The following TRABD2B variants were observed in gnomAD, a reference collection of about 807,000 sequenced individuals.
TRABD2B encodes the protein metalloprotease TIKI2.
In TRABD2B, 14 loss-of-function variants were observed where a neutral mutation model predicts 40.1. That is an observed-to-expected ratio of 0.35 (90% CI 0.23 to 0.55). TRABD2B has a LOEUF of 0.55. Among genes scored for constraint, TRABD2B ranks in the 20% least tolerant of loss-of-function variants. The pLI, the probability that TRABD2B is intolerant of heterozygous loss-of-function variation, is 0.90. For synonymous variants in TRABD2B, 263 were observed against 277.0 expected (o/e 0.95, Z 0.50); for missense variants, 541 against 648.6 (o/e 0.83, Z 1.80).
chr1:47,973,255 G>A (rs1477171853), intron 2 of TRABD2B, among the ~76,000 whole-genome samples: 3 of 152,214 alleles, frequency 2.0e-5, no homozygotes, highest in Non-Finnish European at 4.4e-5. Flanking sequence ...AGCCCCCGCA[G>A]CCAGGTCTCT....
chr1:47,785,720 T>C (rs936697345), intron 4 of TRABD2B, among the ~76,000 whole-genome samples: 6 of 152,196 alleles, frequency 3.9e-5, no homozygotes, highest in African/African-American at 7.2e-5. Flanking sequence ...GAGCCTGTGA[T>C]GGGTTCTGTG....
intron 2 of TRABD2B, among the ~76,000 whole-genome samples, chr1:47,987,818 C>T (rs114065966): frequency 0.011 from 1,699 of 152,128 alleles, 25 homozygotes; most frequent in African/African-American, 0.039. Flanking sequence ...GGAGACACAG[C>T]GGGTGTGGCA....
At chr1:47,883,765 A>G (rs1375324006) in intron 2 of TRABD2B, among the ~76,000 whole-genome samples, 1 of 152,254 alleles carries the variant, frequency 6.6e-6, no homozygotes, top group Non-Finnish European at 1.5e-5. Flanking sequence ...TTCAGTCTCC[A>G]TGATGTCTCA....
Position 47,813,440 on chromosome 1 carries a change from C to A in TRABD2B, c.667-11821G>T, listed in dbSNP as rs568030502. 6.6e-5 allele frequency among the ~76,000 whole-genome samples: 10 copies of A among 152,276 alleles called. No individual in the cohort carries two copies. In the East Asian group the frequency reaches 1.5e-3, roughly 24 times the overall value. On this transcript the variant is annotated intron_variant, in intron 2 of 6. Coordinates refer to ENST00000606738, the MANE Select transcript of TRABD2B (RefSeq NM_001194986.2). This position sits in a 1 kb window ranked among gnomAD's most constrained non-coding sequence, Gnocchi z 4.3. ...CATGCCTCTCTGTTTGTCTGCTAAG[C>A]CACCGGTTACCAAGCCTTCAGAGAC...
Position 47,990,770 on chromosome 1 carries a change from T to A in TRABD2B, c.666+3264A>T, listed in dbSNP as rs1456944998. Among the ~76,000 whole-genome samples, 22 of 35,046 alleles carry A rather than the reference T, an allele frequency of 6.3e-4. No homozygotes were observed. The East Asian group carries it at 0.011, about 17-fold the overall frequency. 23.0% of individuals were successfully genotyped at this position (35,046 alleles called of 152,430 possible). A position where few individuals can be genotyped will look rare whatever the true frequency, so the allele number is the denominator to read the frequency against. Reference sequence around the variant, plus strand: ...AAGTTGTTGGTTTTAAAACGTTGGTTTTATATATATATATATATATATATA... The same window carrying A: ...AAGTTGTTGGTTTTAAAACGTTGGTATTATATATATATATATATATATATA... On this transcript the variant is annotated intron_variant, in intron 2 of 6. Transcript: ENST00000606738.
chr1:47,982,535 T>G (rs181410639), intron 2 of TRABD2B, among the ~76,000 whole-genome samples: 2 of 152,262 alleles, frequency 1.3e-5, no homozygotes, highest in African/African-American at 2.4e-5. Context: ...AAGATCCAAG[T>G]AGAAATCCTG....
intron 4 of TRABD2B, among the ~76,000 whole-genome samples, chr1:47,782,161 C>T (rs1644533098): frequency 6.6e-6 from 1 of 152,124 alleles, no homozygotes; most frequent in South Asian, 2.1e-4. Context: ...ATCCTCAGAA[C>T]CTATAGAATC....
At chr1:47,843,341 AG>A (rs1316242131) in intron 2 of TRABD2B, among the ~76,000 whole-genome samples, 1 of 152,130 alleles carries the variant, frequency 6.6e-6, no homozygotes, top group African/African-American at 2.4e-5. Context: ...GAAAGTGAGC[AG>A]GGGTGTTCTG....
At chr1:47,980,670 C>T in intron 2 of TRABD2B, among the ~76,000 whole-genome samples, 1 of 152,246 alleles carries the variant, frequency 6.6e-6, no homozygotes, top group East Asian at 1.9e-4. Flanking sequence ...GCCATCTAGA[C>T]TGGTGGCATT....
intron 4 of TRABD2B, among the ~76,000 whole-genome samples, chr1:47,783,037 T>TG (rs1048282208): frequency 4.8e-5 from 7 of 145,078 alleles, no homozygotes; most frequent in East Asian, 2.0e-4. Context: ...GACCATGGGG[T>TG]GGGGGGGTTG....
intron 2 of TRABD2B, among the ~76,000 whole-genome samples, chr1:47,810,146 G>GTGTA (rs1479302764): frequency 7.9e-6 from 1 of 127,140 alleles, no homozygotes; most frequent in Non-Finnish European, 1.7e-5. Context: ...GGGTGTGTGT[G>GTGTA]TGTGTGTGCG....
chr1:47,813,300 A>T lies in TRABD2B; in HGVS notation c.667-11681T>A, dbSNP rs1254098836. On this transcript the variant is annotated intron_variant, in intron 2 of 6. Transcript: ENST00000606738. The surrounding 1 kb of genome is among the most constrained non-coding windows in gnomAD (Gnocchi z 4.3). ...AGTATGGGGACCTCTGCTCTTCCTT[A>T]GTCCTGGGCAGTAGCCAAGGAGGAC... Among the ~76,000 whole-genome samples the T allele has an allele frequency of 2.0e-5, 3 of 152,096 alleles. No individual in the cohort carries two copies. In the East Asian group the frequency reaches 5.8e-4, roughly 29 times the overall value.
intron 4 of TRABD2B, among the ~76,000 whole-genome samples, chr1:47,787,479 C>T (rs752372751): frequency 3.3e-5 from 5 of 152,272 alleles, no homozygotes; most frequent in Admixed American, 6.5e-5. Flanking sequence ...TCTTTTCTGG[C>T]TTTTCCCTAC....
intron 2 of TRABD2B, among the ~76,000 whole-genome samples, chr1:47,906,144 C>A (rs1025018439): frequency 6.6e-6 from 1 of 152,200 alleles, no homozygotes; most frequent in African/African-American, 2.4e-5. Context: ...CTTCAATGGC[C>A]CTCCTGTGGC....
intron 2 of TRABD2B, among the ~76,000 whole-genome samples, chr1:47,808,500 A>T (rs1644921586): frequency 6.6e-6 from 1 of 152,148 alleles, no homozygotes; most frequent in Non-Finnish European, 1.5e-5. Context: ...ATGTGAGGAG[A>T]AGCAGAGGCC....
At chr1:47,865,586 T>G (rs1264653412) in intron 2 of TRABD2B, among the ~76,000 whole-genome samples, 1 of 152,116 alleles carries the variant, frequency 6.6e-6, no homozygotes, top group Non-Finnish European at 1.5e-5. Context: ...GGAAATATGG[T>G]TTGTGGAAAT....
chr1:47,895,462 C>G (rs1440182686), intron 2 of TRABD2B, among the ~76,000 whole-genome samples: 1 of 152,110 alleles, frequency 6.6e-6, no homozygotes, highest in South Asian at 2.1e-4. Flanking sequence ...CCCACTGCCC[C>G]CCTCCCACCA....
At chr1:47,822,557 A>G (rs191565276) in intron 2 of TRABD2B, among the ~76,000 whole-genome samples, 1 of 143,876 alleles carries the variant, frequency 7.0e-6, no homozygotes, top group Admixed American at 7.3e-5. Context: ...CCTTGACCTC[A>G]CTGATGGCAT....
At chr1:47,940,081 C>T (rs1372993209) in intron 2 of TRABD2B, among the ~76,000 whole-genome samples, 1 of 152,192 alleles carries the variant, frequency 6.6e-6, no homozygotes, top group Non-Finnish European at 1.5e-5. Context: ...TAAGCTTCTC[C>T]CTGGCCCTGA....
Sources: allele counts gnomAD v4.1 joint callset (sites outside exome capture counted in the v4.1 genomes callset), GRCh38; gene constraint gnomAD v4.1.1; non-coding constraint Gnocchi (gnomAD v3.1); transcripts MANE v1.5; gene names NCBI Gene and HGNC (gene_info 2026-07-23, HGNC 2026-07-21).